COL21A1: variants seen among roughly 807,000 people sequenced by gnomAD.
The protein encoded by COL21A1 is collagen alpha-1(XXI) chain.
A neutral mutation model predicts 137.9 loss-of-function variants in COL21A1; 149 were observed. The observed-to-expected ratio is 1.08, with a 90% CI of 0.95 to 1.24. COL21A1 has a LOEUF of 1.24. COL21A1 is among the 50% of genes most tolerant of loss of function. COL21A1 has a pLI of 0.00. For synonymous variants in COL21A1, 456 were observed against 391.5 expected (o/e 1.16, Z -1.95); for missense variants, 1,167 against 1,158.4 (o/e 1.01, Z -0.11).
rs1473707379 is a variant in COL21A1, at chr6:56,101,537, T to G, written c.1759-12A>C. The G allele has an allele frequency of 6.3e-7, 1 of 1,574,804 alleles. No individual in the cohort carries two copies. The highest frequency in any genetic ancestry group is 1.8e-5 in the Admixed American group (1 of 54,622). On this transcript the variant is annotated splice_polypyrimidine_tract_variant and intron_variant, in intron 16 of 29. Coordinates refer to ENST00000244728, the MANE Select transcript of COL21A1 (RefSeq NM_030820.4). Reference sequence around the variant, plus strand: ...GATCCTGCTTCTCCCTTTTAATGATTTGACAAAAAGAAATAGAGAATTCAG... The same window carrying G: ...GATCCTGCTTCTCCCTTTTAATGATGTGACAAAAAGAAATAGAGAATTCAG...
chr6:56,172,640 T>C (rs1777155415), intron 3 of COL21A1, among the ~76,000 whole-genome samples: 1 of 152,142 alleles, frequency 6.6e-6, no homozygotes, highest in Non-Finnish European at 1.5e-5. Flanking sequence ...AATATTATAA[T>C]ACTGTAACAG....
intron 1 of COL21A1, among the ~76,000 whole-genome samples, chr6:56,338,763 C>T (rs188969013): frequency 3.3e-5 from 5 of 152,222 alleles, no homozygotes; most frequent in South Asian, 2.1e-4. Context: ...AAGACACATT[C>T]ACAGGAAGGG....
At chr6:56,124,792 C>G (rs1297355835) in intron 14 of COL21A1, among the ~76,000 whole-genome samples, 1 of 151,928 alleles carries the variant, frequency 6.6e-6, no homozygotes, top group Non-Finnish European at 1.5e-5. Context: ...CAGGCGCCCA[C>G]TACCACTCCT....
At position 56,292,274 on chromosome 6, in the gene COL21A1, C is replaced by T. The variant is rs549603193; in HGVS notation, c.-39+101697G>A. On this transcript the variant is annotated intron_variant, in intron 1 of 28. Coordinates refer to the COL21A1 transcript ENST00000370819. Reference sequence around the variant, plus strand: ...AGATATTTTCTTGCCTGTTACTCTGCTTTTGTTTAAAATTATTACAAACAT... The same window carrying T: ...AGATATTTTCTTGCCTGTTACTCTGTTTTTGTTTAAAATTATTACAAACAT... 5.9e-5 allele frequency among the ~76,000 whole-genome samples: 9 copies of T among 152,192 alleles called. No homozygotes were observed. The East Asian group carries it at 1.3e-3, about 23-fold the overall frequency.
At chr6:56,343,911 A>G (rs1330000621) in intron 1 of COL21A1, among the ~76,000 whole-genome samples, 1 of 152,154 alleles carries the variant, frequency 6.6e-6, no homozygotes, top group Non-Finnish European at 1.5e-5. Flanking sequence ...GTACGACTGC[A>G]CTCCAGCCTG....
chr6:56,099,946 C>CCA (rs1258332304), intron 17 of COL21A1, among the ~76,000 whole-genome samples: 2 of 152,120 alleles, frequency 1.3e-5, no homozygotes, highest in African/African-American at 4.8e-5. Flanking sequence ...TCCAATCATT[C>CCA]CACACACACC....
chr6:56,368,618 T>C (rs147941288), intron 1 of COL21A1, among the ~76,000 whole-genome samples: 1 of 152,356 alleles, frequency 6.6e-6, no homozygotes, highest in Admixed American at 6.5e-5. Flanking sequence ...CCTCTTCTCC[T>C]CACCCCCCTT....
In COL21A1 at chr6:56,075,485, C is replaced by T; in HGVS notation, c.1905G>A (p.Gly635=). 6.5e-7 allele frequency: 1 copy of T among 1,538,124 alleles called. No homozygotes were observed. Among genetic ancestry groups the T allele is most frequent in the Non-Finnish European group, 8.8e-7 (1 of 1,141,626 alleles). The change falls in exon 19 of 30, where the codon GGG becomes GGA. Residue 635 remains glycine, a synonymous_variant. Coordinates refer to ENST00000244728, the MANE Select transcript of COL21A1 (RefSeq NM_030820.4). ...PGQQGKKGAP[G]MPGLMGSNGS... ...GATAATGACATCAACATACAGGCAT[C>T]CCTGGGGCTCCTTTTTTTCCTTGCT...
At chr6:56,089,582 A>G (rs1309646158) in intron 17 of COL21A1, among the ~76,000 whole-genome samples, 1 of 152,190 alleles carries the variant, frequency 6.6e-6, no homozygotes, top group Admixed American at 6.5e-5. Context: ...ATTCAAATCC[A>G]TATTGTTAAA....
chr6:56,094,823 A>C (rs912806227), intron 17 of COL21A1, among the ~76,000 whole-genome samples: 2 of 152,202 alleles, frequency 1.3e-5, no homozygotes, highest in African/African-American at 4.8e-5. Flanking sequence ...GCTGTAATCC[A>C]TGGAGAGAAT....
intron 12 of COL21A1, among the ~76,000 whole-genome samples, chr6:56,134,966 A>G (rs576579877): frequency 6.6e-6 from 1 of 152,256 alleles, no homozygotes. Flanking sequence ...GTATTAGTGG[A>G]AACACACTAA....
chr6:56,167,167 A>AT (rs1270671611), intron 6 of COL21A1, among the ~76,000 whole-genome samples, 184 bp from the exon 7 acceptor site: 2 of 152,256 alleles, frequency 1.3e-5, no homozygotes, highest in Non-Finnish European at 2.9e-5. Flanking sequence ...GTGATGCAAC[A>AT]TAACTACTAA....
chr6:56,385,063 G>A (rs1197448364), intron 1 of COL21A1, among the ~76,000 whole-genome samples: 1 of 152,214 alleles, frequency 6.6e-6, no homozygotes. Flanking sequence ...GGCCAAGGGT[G>A]ATGGAAAGGA....
At chr6:56,194,374 G>A (rs1056745431) in intron 1 of COL21A1, among the ~76,000 whole-genome samples, 3 of 152,144 alleles carry the variant, frequency 2.0e-5, no homozygotes, top group Non-Finnish European at 4.4e-5. Flanking sequence ...TTCAAATGAA[G>A]TTAGGCTTAT....
chr6:56,111,735 A>AT (rs1321962898), intron 16 of COL21A1, among the ~76,000 whole-genome samples: 1 of 151,446 alleles, frequency 6.6e-6, no homozygotes, highest in African/African-American at 2.4e-5. Context: ...TCAGCCATGC[A>AT]TGGTGGCAGG....
Position 56,179,846 on chromosome 6 carries a change from G to T in COL21A1, c.372C>A (p.Leu124=). Residue 124 remains leucine (L), a synonymous_variant, in exon 3 of 30, where the codon CTC becomes CTA. Coordinates refer to ENST00000244728, the MANE Select transcript of COL21A1 (RefSeq NM_030820.4). ...GTGAGGACTTGGCAAAAAGGTAATC[G>T]AGCGCAAACTGGATGGCCTTCCCTG... ...TKTGKAIQFA[L]DYLFAKSSRF... 6.2e-7 allele frequency: 1 copy of T among 1,613,856 alleles called. No individual in the cohort carries two copies.
At chr6:56,088,447 A>C (rs1487125417) in intron 17 of COL21A1, among the ~76,000 whole-genome samples, 1 of 152,224 alleles carries the variant, frequency 6.6e-6, no homozygotes, top group Non-Finnish European at 1.5e-5. Context: ...TTCACATAAA[A>C]GCTGAATTTT....
chr6:56,060,529 G>A (rs1326980191), intron 27 of COL21A1: 6 of 478,124 alleles, frequency 1.3e-5, no homozygotes, highest in Non-Finnish European at 2.2e-5. Flanking sequence ...TCAAATAATG[G>A]CAAAATAATA....
At chr6:56,325,648 A>ATT (rs1436201545) in intron 1 of COL21A1, among the ~76,000 whole-genome samples, 2 of 370 alleles carry the variant, frequency 5.4e-3, no homozygotes, top group Non-Finnish European at 0.062. Context: ...TATATAATAT[A>ATT]ATATATTATA....
Sources: allele counts gnomAD v4.1 joint callset (sites outside exome capture counted in the v4.1 genomes callset), GRCh38; gene constraint gnomAD v4.1.1; transcripts MANE v1.5; gene names NCBI Gene and HGNC (gene_info 2026-07-23, HGNC 2026-07-21).